TTN: variants seen among roughly 807,000 people sequenced by gnomAD.
TTN encodes the protein connectin.
Under a neutral mutation model 3,223.0 loss-of-function variants are expected in TTN, and 1,525 were observed. The ratio of observed to expected loss-of-function variants is 0.47; its 90% CI spans 0.45 to 0.49. The LOEUF is 0.49. TTN is among the 20% of genes least tolerant of loss of function. The pLI, the probability that TTN is intolerant of heterozygous loss-of-function variation, is 0.00. For missense variants in TTN, 40,786 were observed against 43,424.0 expected, an observed-to-expected ratio of 0.94 and a Z score of 5.40; for synonymous variants, 14,094 against 15,161.0, an observed-to-expected ratio of 0.93 and a Z score of 5.17.
chr2:178,727,563 T>C (rs2079573450), intron 68 of TTN, 22 bp downstream of exon 68: 6 of 1,541,694 alleles, frequency 3.9e-6, no homozygotes, highest in Non-Finnish European at 5.2e-6. Flanking sequence ...GACAGAAACA[T>C]AAAGGAATCA....
intron 143 of TTN, 48 bp downstream of exon 143, chr2:178,678,699 A>G (rs748411217): frequency 1.3e-5 from 20 of 1,545,956 alleles, no homozygotes; most frequent in Middle Eastern, 1.7e-4. Context: ...ATTTTTACCC[A>G]TATGCAAATG....
chr2:178,664,452 G>C lies in TTN; in HGVS notation c.36280+8C>G. On this transcript the variant is annotated splice_region_variant and intron_variant, in intron 168 of 362. Coordinates refer to ENST00000589042, the MANE Select transcript of TTN (RefSeq NM_001267550.2). Reference sequence around the variant, plus strand: ...TATCCCACCATAAAAAGACAGTTAAGAATGTACCTTTGACAGGTACAACTT... The same window carrying C: ...TATCCCACCATAAAAAGACAGTTAACAATGTACCTTTGACAGGTACAACTT... 1.2e-6 allele frequency: 2 copies of C among 1,602,728 alleles called. No individual in the cohort carries two copies. The highest frequency in any genetic ancestry group is 8.5e-7 in the Non-Finnish European group (1 of 1,174,008).
chr2:178,695,208 G>GA (rs941467151), intron 115 of TTN, 140 bp downstream of exon 115: 472 of 605,424 alleles, frequency 7.8e-4, no homozygotes, highest in Middle Eastern at 2.2e-3. Context: ...GAAATTTTAA[G>GA]AAAAAAAAAT....
At position 178,636,328 on chromosome 2, in the gene TTN, A is replaced by G; in HGVS notation, c.41329+70T>C. ...AAATAAGAGGTTTTGTAAAACTACA[A>G]TGCAAGTTGCTACTAAGGTTTGTTA... On this transcript the variant is annotated intron_variant, in intron 225 of 362. Transcript: ENST00000589042. The surrounding 1 kb of genome is among the most constrained non-coding windows in gnomAD (Gnocchi z 4.3). 1.3e-6 allele frequency: 2 copies of G among 1,511,576 alleles called. No individual in the cohort carries two copies. The highest frequency in any genetic ancestry group is 1.8e-6 in the Non-Finnish European group (2 of 1,131,492). The allele number at this position is 1,511,576 out of a possible 1,614,324, so 93.6% of individuals were successfully genotyped here.
At chr2:178,736,486 T>TGAA (rs1298765534) in intron 49 of TTN, among the ~76,000 whole-genome samples, 3 of 152,178 alleles carry the variant, frequency 2.0e-5, no homozygotes, top group African/African-American at 7.2e-5. Flanking sequence ...ATAAGAAGAT[T>TGAA]GAAGTAGTTT....
intron 213 of TTN, among the ~76,000 whole-genome samples, chr2:178,648,346 C>A (rs1363485316): frequency 6.6e-6 from 1 of 151,976 alleles, no homozygotes; most frequent in Non-Finnish European, 1.5e-5. Flanking sequence ...ACATTCTAGA[C>A]CCTTCTATCT....
Position 178,533,258 on chromosome 2 carries a change from C to T in TTN, c.103357G>A (p.Val34453Met). Residue 34453 changes from valine (V) to methionine (M), a missense_variant, in exon 358 of 363, where the codon GTG becomes ATG. By Grantham distance (21) the Val-to-Met change is conservative. Coordinates refer to ENST00000589042, the MANE Select transcript of TTN (RefSeq NM_001267550.2). Reference sequence around the variant, plus strand: ...TGTTTCTTGTACCTCAGGCGTTCCACTTGTAGGTGAGCCTGGCAGCTGGTG... The same window carrying T: ...TGTTTCTTGTACCTCAGGCGTTCCATTTGTAGGTGAGCCTGGCAGCTGGTG... ...GSTSCQAHLQ[V>M]ERLRYKKQEF... The T allele has an allele frequency of 6.2e-7, 1 of 1,613,978 alleles. No individual in the cohort carries two copies. The highest frequency in any genetic ancestry group is 8.5e-7 in the Non-Finnish European group (1 of 1,179,858).
Position 178,551,843 on chromosome 2 carries a change from C to A in TTN, c.91057G>T (p.Gly30353Cys). 1 of 1,613,844 alleles carries A rather than the reference C, an allele frequency of 6.2e-7. No homozygotes were observed. Among genetic ancestry groups the A allele is most frequent in the Non-Finnish European group, 8.5e-7 (1 of 1,179,814 alleles). Residue 30353 changes from glycine to cysteine, a missense_variant, in exon 335 of 363, where the codon GGT (glycine) becomes TGT (cysteine). Physicochemically the swap from Gly to Cys is radical, Grantham distance 159. Transcript: ENST00000589042. ...LTWDAPVYDG[G>C]SEVTGFHVEK... The stretch of plus-strand genomic sequence containing the variant: ...ACATGGAATCCAGTAACTTCTGAAC[C>A]ACCATCATAAACTGGAGCATCCCAA...
chr2:178,684,566 A>G, intron 131 of TTN, 100 bp downstream of exon 131: 2 of 1,378,722 alleles, frequency 1.5e-6, no homozygotes, highest in Non-Finnish European at 2.0e-6. Flanking sequence ...CACCATTGTC[A>G]CCCACCAACA....
chr2:178,548,890 G>T lies in TTN; in HGVS notation c.92736C>A (p.Gly30912=). Reference sequence around the variant, plus strand: ...TTAACCGGTCAACTGCTTTAATTGTGCCAGTCACTTCACAGCTGTCGCCTT... The same window carrying T: ...TTAACCGGTCAACTGCTTTAATTGTTCCAGTCACTTCACAGCTGTCGCCTT... ...AGKGDSCEVT[G]TIKAVDRLTA... The change falls in exon 339 of 363, where the codon GGC becomes GGA. Residue 30912 remains glycine, a synonymous_variant. Transcript: ENST00000589042. The surrounding 1 kb of genome is among the most constrained non-coding windows in gnomAD (Gnocchi z 4.3). The T allele has an allele frequency of 6.2e-7, 1 of 1,613,756 alleles. No homozygotes were observed. Among genetic ancestry groups the T allele is most frequent in the Non-Finnish European group, 8.5e-7 (1 of 1,179,826 alleles).
At chr2:178,700,481 C>T (rs1159162608) in intron 111 of TTN, among the ~76,000 whole-genome samples, 1 of 152,186 alleles carries the variant, frequency 6.6e-6, no homozygotes, top group East Asian at 1.9e-4. Context: ...CATTTCTGAA[C>T]TCCCTATAAC....
At position 178,620,771 on chromosome 2, in the gene TTN, G is replaced by A. The variant is rs763279178; in HGVS notation, c.45839C>T (p.Ser15280Phe). The A allele has an allele frequency of 1.2e-6, 2 of 1,612,790 alleles. No individual in the cohort carries two copies. Among genetic ancestry groups the A allele is most frequent in the Non-Finnish European group, 1.7e-6 (2 of 1,179,136 alleles). ...ATTTTCACCTCTGTGATTGGTCAAA[G>A]ACACATTATAGTTGGCTTGGTCATC... ...HLDDQANYNV[S>F]LTNHRGENVK... The change falls in exon 247 of 363, where the codon TCT becomes TTT. Residue 15280 changes from serine to phenylalanine, a missense_variant. By Grantham distance (155) the Ser-to-Phe change is radical (BLOSUM62 -2). Transcript: ENST00000589042.
Position 178,590,260 on chromosome 2 carries a change from T to A in TTN, c.61465A>T (p.Arg20489Ter). The A allele has an allele frequency of 2.5e-6, 4 of 1,580,260 alleles. No individual in the cohort carries two copies. The highest frequency in any genetic ancestry group is 3.4e-6 in the Non-Finnish European group (4 of 1,163,704). Residue 20489 changes from arginine (R) to a stop codon, truncating the protein, a stop_gained, in exon 304 of 363, where the codon AGA becomes TGA. Transcript: ENST00000589042. LOFTEE classifies it high-confidence loss of function. ...AGAATGCGGATAGTTTGGCCTACTC[T>A]CACGGTAATAACATCACGACAAGTA... ...DVTCRDVITV[R>*]VGQTIRILAR...
At chr2:178,747,789 A>C in intron 47 of TTN, 1 of 1,612,418 alleles carries the variant, frequency 6.2e-7, no homozygotes, top group Non-Finnish European at 8.5e-7. Flanking sequence ...AAAGTGGAGA[A>C]AGAAGCTTCA....
In TTN at chr2:178,800,637, G is replaced by A. The variant is rs750606005; in HGVS notation, c.341C>T (p.Thr114Ile). The A allele has an allele frequency of 6.2e-7, 1 of 1,611,860 alleles. No homozygotes were observed. Among genetic ancestry groups the A allele is most frequent in the Non-Finnish European group, 8.5e-7 (1 of 1,178,780 alleles). ...TCTCACTTGGCTTCCTTGTCTCACG[G>A]TCATGCTCTGCAGTCGTTGAACGAA... ...PNFVQRLQSM[T>I]VRQGSQVRLQ... Residue 114 changes from threonine (T) to isoleucine (I), a missense_variant, in exon 4 of 363, where the codon ACC (threonine) becomes ATC (isoleucine). Physicochemically the swap from Thr to Ile is moderately conservative, Grantham distance 89. Transcript: ENST00000589042.
intron 341 of TTN, 28 bp downstream of exon 341, chr2:178,546,572 A>G: frequency 6.3e-7 from 1 of 1,594,796 alleles, no homozygotes; most frequent in Non-Finnish European, 8.6e-7. Context: ...AGATAATTTT[A>G]AAAAGGAGAA....
Position 178,723,526 on chromosome 2 carries a change from CCA to C in TTN, c.21572_21573del (p.Val7191GlyfsTer7). The C allele has an allele frequency of 1.2e-6, 2 of 1,613,354 alleles. No individual in the cohort carries two copies. The highest frequency in any genetic ancestry group is 1.1e-5 in the South Asian group (1 of 91,024). On this transcript the variant is annotated frameshift_variant, in exon 74 of 363. Transcript: ENST00000589042. LOFTEE classifies it high-confidence loss of function. The part of the protein sequence containing the change: ...DRCNIYFEDT[V>X]AELELFNIDI... ...TCAATATTAAATAATTCCAGTTCTG[CCA>C]CAGTGTCTTCAAAATAGATGTTGCA...
rs1372610941 is a variant in TTN, at chr2:178,689,128, G to GC, written c.32019_32020insG (p.Leu10674AlafsTer3). On this transcript the variant is annotated frameshift_variant, in exon 125 of 363. Transcript: ENST00000589042. LOFTEE classifies it high-confidence loss of function. ...TCCTCTGGGACGGGTTTCTTAGGCA[G>GC]AGCTGGCACTTTAGAGACATTATGC... is the stretch of plus-strand genomic sequence containing the variant. 2.5e-6 allele frequency: 4 copies of GC among 1,604,362 alleles called. No individual in the cohort carries two copies. Among genetic ancestry groups the GC allele is most frequent in the Non-Finnish European group, 3.4e-6 (4 of 1,177,572 alleles).
Position 178,537,231 on chromosome 2 carries a change from T to A in TTN, c.99878A>T (p.Lys33293Ile). 6.3e-7 allele frequency: 1 copy of A among 1,596,842 alleles called. No individual in the cohort carries two copies. The highest frequency in any genetic ancestry group is 8.6e-7 in the Non-Finnish European group (1 of 1,169,096). ...LDVEIQDKPD[K>I]PTGPIVIEAL... ...TTCGATCACAATTGGTCCTGTAGGT[T>A]TGTCTGGTTTATCTGTTGGGGGAAA... The change falls in exon 356 of 363, where the codon AAA becomes ATA. Residue 33293 changes from lysine to isoleucine, a missense_variant. Physicochemically the swap from Lys to Ile is moderately radical, Grantham distance 102. Coordinates refer to ENST00000589042, the MANE Select transcript of TTN (RefSeq NM_001267550.2).
Sources: allele counts gnomAD v4.1 joint callset (sites outside exome capture counted in the v4.1 genomes callset), GRCh38; gene constraint gnomAD v4.1.1; non-coding constraint Gnocchi (gnomAD v3.1); transcripts MANE v1.5; gene names NCBI Gene and HGNC (gene_info 2026-07-23, HGNC 2026-07-21).